The following CRB1 variants were observed in gnomAD, a reference collection of about 807,000 sequenced individuals.
CRB1 encodes the protein crumbs cell polarity complex component 1.
In CRB1, 83 loss-of-function variants were observed where a neutral mutation model predicts 120.0. That is an observed-to-expected ratio of 0.69 (90% CI 0.58 to 0.83). The LOEUF (loss-of-function observed/expected upper bound fraction) is 0.83. Among genes scored for constraint, CRB1 ranks in the 40% least tolerant of loss-of-function variants. The pLI, the probability that CRB1 is intolerant of heterozygous loss-of-function variation, is 0.00. For missense variants in CRB1, 1,699 were observed against 1,687.6 expected, an observed-to-expected ratio of 1.01 and a Z score of -0.12; for synonymous variants, 625 against 612.5, an observed-to-expected ratio of 1.02 and a Z score of -0.30.
At chr1:197,409,286 A>G (rs1663576545) in intron 5 of CRB1, among the ~76,000 whole-genome samples, 1 of 152,226 alleles carries the variant, frequency 6.6e-6, no homozygotes, top group Non-Finnish European at 1.5e-5. Flanking sequence ...TTTTTCTGAT[A>G]TTAAGGTTGA....
intron 11 of CRB1, among the ~76,000 whole-genome samples, chr1:197,448,294 G>C (rs1665798208): frequency 6.6e-6 from 1 of 151,910 alleles, no homozygotes; most frequent in Non-Finnish European, 1.5e-5. Flanking sequence ...TTTTTCCTGG[G>C]GGGTCTTTGT....
intron 1 of CRB1, among the ~76,000 whole-genome samples, chr1:197,306,610 A>G (rs964281200): frequency 6.6e-6 from 1 of 152,158 alleles, no homozygotes; most frequent in Non-Finnish European, 1.5e-5. Flanking sequence ...AGGCTCTGGG[A>G]AGATAATTTT....
intron 5 of CRB1, among the ~76,000 whole-genome samples, chr1:197,383,235 C>T (rs1487390880): frequency 6.6e-6 from 1 of 152,036 alleles, no homozygotes; most frequent in Non-Finnish European, 1.5e-5. Flanking sequence ...ATAGAGTTTC[C>T]ATAGGAACTC....
At chr1:197,201,614 A>G in the CRB1 span, among the ~76,000 whole-genome samples, 5 of 152,148 alleles carry the variant, frequency 3.3e-5, no homozygotes, top group Non-Finnish European at 7.4e-5. Flanking sequence ...AGGGAGGGCA[A>G]TGGGAGAGGG....
intron 3 of CRB1, among the ~76,000 whole-genome samples, chr1:197,344,701 C>G (rs555722378): frequency 3.3e-5 from 5 of 152,246 alleles, no homozygotes; most frequent in South Asian, 2.1e-4. Context: ...TAGTTTAGAA[C>G]TGCTTATCCT....
chr1:197,236,163 C>T, the CRB1 span, among the ~76,000 whole-genome samples: 1 of 150,484 alleles, frequency 6.6e-6, no homozygotes, highest in Admixed American at 6.6e-5. Context: ...CTGTACCCAC[C>T]ATGCAGTTAT....
At chr1:197,236,195 CTT>C in the CRB1 span, among the ~76,000 whole-genome samples, 59,786 of 112,472 alleles carry the variant, frequency 0.53, 15,868 homozygotes, top group East Asian at 0.85. Flanking sequence ...CTTTTATTTC[CTT>C]TTTTTTTTTT....
chr1:197,478,072 C>G lies in CRB1; in HGVS notation c.*193C>G, dbSNP rs1667279605. On this transcript the variant is annotated 3_prime_UTR_variant, in exon 12 of 12. Transcript: ENST00000367400. ...ACACCATTGTTTTATTATATTATAT[C>G]AGCCAATTGCAAAAAAAGTCTGTGC... 3.2e-6 allele frequency: 2 copies of G among 619,358 alleles called. No homozygotes were observed. Among genetic ancestry groups the G allele is most frequent in the Admixed American group, 5.6e-5 (2 of 35,858 alleles). The allele number at this position is 619,358 out of a possible 1,614,324, so 38.4% of individuals were successfully genotyped here.
the CRB1 span, among the ~76,000 whole-genome samples, chr1:197,226,618 C>T: frequency 2.6e-5 from 4 of 151,842 alleles, no homozygotes; most frequent in African/African-American, 9.7e-5. Context: ...AGGGTAGAGC[C>T]CTCATGATGG....
the CRB1 span, among the ~76,000 whole-genome samples, chr1:197,252,582 A>ATGTGTGTGTGTG: frequency 0.015 from 225 of 15,478 alleles, 10 homozygotes; most frequent in East Asian, 0.031. Context: ...ATATATATAT[A>ATGTGTGTGTGTG]TGTGTGTGTG....
Position 197,308,363 on chromosome 1 carries a change from G to A in CRB1, c.71-20059G>A, listed in dbSNP as rs117591362. On this transcript the variant is annotated intron_variant, in intron 1 of 11. Transcript: ENST00000367400. ...GATGGGATCCTTACTCCAGTCCTCAGCATCACGGAATATTCCCATGTAACA... is the reference window on the plus strand; with the variant it reads ...GATGGGATCCTTACTCCAGTCCTCAACATCACGGAATATTCCCATGTAACA... Among the ~76,000 whole-genome samples, 114 of 152,210 alleles carry A rather than the reference G, an allele frequency of 7.5e-4. 1 individual carries two copies. In the East Asian group the frequency reaches 0.022, roughly 29 times the overall value.
chr1:197,252,663 A>T, the CRB1 span, among the ~76,000 whole-genome samples: 2 of 142,058 alleles, frequency 1.4e-5, no homozygotes, highest in African/African-American at 5.2e-5. Context: ...CATATATATA[A>T]AATAAAACTT....
chr1:197,263,685 A>C (rs1346767655), upstream of CRB1, among the ~76,000 whole-genome samples: 1 of 151,888 alleles, frequency 6.6e-6, no homozygotes, highest in African/African-American at 2.4e-5. Flanking sequence ...ACCTTCTCCC[A>C]CTTTTTTCCT....
the CRB1 span, among the ~76,000 whole-genome samples, chr1:197,263,193 GT>G: frequency 1.3e-5 from 2 of 151,954 alleles, no homozygotes; most frequent in African/African-American, 4.8e-5. Context: ...AGCATCTGTT[GT>G]TTTTTGACTT....
At chr1:197,457,544 T>C (rs1454348688) in intron 11 of CRB1, among the ~76,000 whole-genome samples, 5 of 152,112 alleles carry the variant, frequency 3.3e-5, no homozygotes, top group Admixed American at 6.6e-5. Context: ...AAATGTCTTG[T>C]TTATCTTTAT....
the CRB1 span, among the ~76,000 whole-genome samples, chr1:197,230,346 A>C: frequency 6.6e-6 from 1 of 152,184 alleles, no homozygotes. Flanking sequence ...CGAAGTGTAA[A>C]TTTGTGTAAA....
chr1:197,274,292 T>TA (rs1655068213), intron 1 of CRB1, among the ~76,000 whole-genome samples: 1 of 152,142 alleles, frequency 6.6e-6, no homozygotes. Context: ...GTACAGTACT[T>TA]ATAGCTGTTT....
intron 11 of CRB1, among the ~76,000 whole-genome samples, chr1:197,453,576 G>GGAGAGA (rs71131760): frequency 8.4e-6 from 1 of 118,524 alleles, no homozygotes. Context: ...AGAGGGAGAG[G>GGAGAGA]GAGAGAGAGA....
the CRB1 span, among the ~76,000 whole-genome samples, chr1:197,224,645 T>C: frequency 7.9e-5 from 12 of 152,226 alleles, no homozygotes; most frequent in Admixed American, 2.6e-4. Context: ...TCTGTTACCT[T>C]TTTTGGATAC....
Sources: allele counts gnomAD v4.1 joint callset (sites outside exome capture counted in the v4.1 genomes callset), GRCh38; gene constraint gnomAD v4.1.1; transcripts MANE v1.5; gene names NCBI Gene and HGNC (gene_info 2026-07-23, HGNC 2026-07-21).